The following COP1 variants were observed in gnomAD, a reference collection of about 807,000 sequenced individuals.
COP1 encodes the protein COP1 E3 ubiquitin ligase, also known as E3 ubiquitin-protein ligase COP1.
A neutral mutation model predicts 101.3 loss-of-function variants in COP1; 24 were observed. The ratio of observed to expected loss-of-function variants is 0.24; its 90% CI spans 0.17 to 0.33. COP1 has a LOEUF of 0.33. Among genes scored for constraint, COP1 ranks in the 10% least tolerant of loss-of-function variants. COP1 has a pLI of 1.00. For synonymous variants in COP1, 347 were observed against 341.9 expected, an observed-to-expected ratio of 1.01 and a Z score of -0.17; for missense variants, 663 against 906.2, an observed-to-expected ratio of 0.73 and a Z score of 3.45.
intron 18 of COP1, among the ~76,000 whole-genome samples, chr1:175,961,031 G>A (rs1381946757): frequency 6.6e-6 from 1 of 152,158 alleles, no homozygotes; most frequent in Non-Finnish European, 1.5e-5. Flanking sequence ...TCCTGGAGCT[G>A]GGACACTCTT....
At chr1:176,012,364 G>A (rs1664838104) in intron 15 of COP1, among the ~76,000 whole-genome samples, 1 of 152,132 alleles carries the variant, frequency 6.6e-6, no homozygotes, top group African/African-American at 2.4e-5. Flanking sequence ...GAGCTCAAGT[G>A]ATCCACTCAC....
intron 9 of COP1, among the ~76,000 whole-genome samples, chr1:176,111,256 C>T (rs1685235978): frequency 6.6e-6 from 1 of 152,078 alleles, no homozygotes; most frequent in Non-Finnish European, 1.5e-5. Context: ...AAAGTAACTG[C>T]AAAATAAATG....
chr1:176,089,038 C>T (rs1430522579), intron 9 of COP1, among the ~76,000 whole-genome samples: 1 of 150,156 alleles, frequency 6.7e-6, no homozygotes, highest in East Asian at 1.9e-4. Flanking sequence ...CGTGGTGGCT[C>T]ACGCCTGTAA....
At chr1:175,977,499 A>G (rs371717613) in intron 18 of COP1, among the ~76,000 whole-genome samples, 1 of 152,140 alleles carries the variant, frequency 6.6e-6, no homozygotes, top group Non-Finnish European at 1.5e-5. Flanking sequence ...GAAATAGCTG[A>G]TGTCAACCCT....
intron 18 of COP1, among the ~76,000 whole-genome samples, chr1:175,978,064 T>C (rs543153878): frequency 2.4e-4 from 36 of 152,204 alleles, no homozygotes; most frequent in Non-Finnish European, 1.5e-5. Flanking sequence ...ACAATAAAAG[T>C]TACTGTTAGG....
intron 14 of COP1, 146 bp downstream of exon 14, chr1:176,043,040 C>T: frequency 4.9e-6 from 3 of 616,634 alleles, no homozygotes; most frequent in Non-Finnish European, 8.7e-6. Flanking sequence ...AAAAACAAAA[C>T]AAAACAACAT....
At chr1:176,087,597 AG>A (rs777218111) in intron 9 of COP1, among the ~76,000 whole-genome samples, 1 of 152,234 alleles carries the variant, frequency 6.6e-6, no homozygotes, top group Non-Finnish European at 1.5e-5. Context: ...TTAAAAAGTC[AG>A]GGAACAACAG....
chr1:176,149,043 A>G lies in COP1; in HGVS notation c.794T>C (p.Met265Thr), dbSNP rs141597257. ...TCTTCTTGCAACCTTGAGGAATTCC[A>G]TAAGAATCTGTAGTTGGGCTGCATG... ...ESHAAQLQIL[M>T]EFLKVARRNK... The change falls in exon 6 of 20, where the codon ATG becomes ACG. Residue 265 changes from methionine to threonine, a missense_variant. Transcript: ENST00000367669. 962 of 1,589,342 alleles carry G rather than the reference A, an allele frequency of 6.1e-4. 5 individuals are homozygous for G. The South Asian group carries it at 7.4e-3, about 12-fold the overall frequency.
chr1:176,063,121 G>A (rs1039936313), intron 11 of COP1, among the ~76,000 whole-genome samples: 5 of 147,786 alleles, frequency 3.4e-5, no homozygotes, highest in Admixed American at 6.8e-5. Context: ...CTGCAGTGGC[G>A]CAATCTCGGC....
At chr1:176,116,162 G>C (rs1686153662) in intron 9 of COP1, among the ~76,000 whole-genome samples, 1 of 152,054 alleles carries the variant, frequency 6.6e-6, no homozygotes, top group African/African-American at 2.4e-5. Flanking sequence ...CAGATCGCTT[G>C]AGTCCAGGAG....
At chr1:176,072,760 T>C (rs938650048) in intron 11 of COP1, among the ~76,000 whole-genome samples, 2 of 151,806 alleles carry the variant, frequency 1.3e-5, no homozygotes, top group Non-Finnish European at 2.9e-5. Flanking sequence ...GCAAAAATGA[T>C]CCTTGTAACT....
intron 18 of COP1, among the ~76,000 whole-genome samples, chr1:175,976,334 G>C (rs1040399105): frequency 6.3e-5 from 8 of 127,096 alleles, no homozygotes; most frequent in Non-Finnish European, 1.3e-4. Flanking sequence ...CTGGAATGTG[G>C]TGGTGCAATC....
intron 1 of COP1, among the ~76,000 whole-genome samples, chr1:176,189,333 G>T (rs568631405): frequency 1.3e-5 from 2 of 151,848 alleles, no homozygotes; most frequent in East Asian, 3.9e-4. Flanking sequence ...ATTTGTTTTG[G>T]TCATATTTTT....
Position 175,963,393 on chromosome 1 carries a change from C to A in COP1, c.2134-16154G>T, listed in dbSNP as rs149860496. ...CATCTATTGCACTTTCCCTCATCTG[C>A]GCCTTTGTTTACACTGTTCTCTAGC... On this transcript the variant is annotated intron_variant, in intron 18 of 19. Transcript: ENST00000367669. 2.6e-3 allele frequency among the ~76,000 whole-genome samples: 396 copies of A among 152,232 alleles called. 3 individuals carry two copies. Among genetic ancestry groups the A allele is most frequent in the African/African-American group, 9.1e-3 (378 of 41,544 alleles).
intron 1 of COP1, among the ~76,000 whole-genome samples, chr1:176,185,233 C>T (rs1043484406): frequency 1.3e-5 from 2 of 152,162 alleles, no homozygotes; most frequent in East Asian, 1.9e-4. Context: ...TATATTGACT[C>T]ATTTAATAGT....
chr1:176,020,289 C>T (rs374315300), intron 15 of COP1, among the ~76,000 whole-genome samples: 9 of 137,244 alleles, frequency 6.6e-5, no homozygotes, highest in Admixed American at 4.0e-4. Flanking sequence ...CCAGCCTGGG[C>T]GACAAAGTGA....
At chr1:176,041,383 T>C (rs1290295208) in intron 14 of COP1, among the ~76,000 whole-genome samples, 1 of 149,056 alleles carries the variant, frequency 6.7e-6, no homozygotes, top group Non-Finnish European at 1.5e-5. Context: ...AGTCTCGCTC[T>C]GTCATCCAGG....
chr1:176,175,244 A>C (rs536260091), intron 3 of COP1, among the ~76,000 whole-genome samples: 1 of 152,190 alleles, frequency 6.6e-6, no homozygotes, highest in African/African-American at 2.4e-5. Flanking sequence ...GCAAAAGCAG[A>C]AACAGTAGGG....
intron 15 of COP1, among the ~76,000 whole-genome samples, chr1:176,025,717 T>A (rs1388662956): frequency 6.6e-6 from 1 of 151,562 alleles, no homozygotes; most frequent in Non-Finnish European, 1.5e-5. Flanking sequence ...TGGCAAAACC[T>A]CATCTCTACG....
Sources: allele counts gnomAD v4.1 joint callset (sites outside exome capture counted in the v4.1 genomes callset), GRCh38; gene constraint gnomAD v4.1.1; transcripts MANE v1.5; gene names NCBI Gene and HGNC (gene_info 2026-07-23, HGNC 2026-07-21).